Variants in DNASE1L3 observed in about 807,000 individuals in gnomAD.
The protein encoded by DNASE1L3 is deoxyribonuclease gamma.
A neutral mutation model predicts 30.9 loss-of-function variants in DNASE1L3; 27 were observed. The observed-to-expected ratio is 0.87, with a 90% confidence interval of 0.64 to 1.20. The LOEUF is 1.20. DNASE1L3 is among the 50% of genes most tolerant of loss of function. DNASE1L3 has a pLI of 0.00. For missense variants in DNASE1L3, 364 were observed against 378.2 expected, an observed-to-expected ratio of 0.96 and a Z score of 0.31; for synonymous variants, 135 against 138.0, an observed-to-expected ratio of 0.98 and a Z score of 0.15.
At chr3:58,201,174 G>T in intron 4 of DNASE1L3, 65 bp from the exon 5 acceptor site, 2 of 1,350,192 alleles carry the variant, frequency 1.5e-6, no homozygotes, top group Non-Finnish European at 2.1e-6. Context: ...AACACTGCTG[G>T]AGGGAAACCA....
intron 3 of DNASE1L3, 62 bp downstream of exon 3, chr3:58,205,409 C>A: frequency 7.1e-7 from 1 of 1,413,892 alleles, no homozygotes; most frequent in Admixed American, 1.7e-5. Context: ...AAAAGACATG[C>A]ATTTTGATTC....
intron 4 of DNASE1L3, among the ~76,000 whole-genome samples, chr3:58,203,631 G>A (rs529936387): frequency 1.1e-4 from 17 of 152,096 alleles, no homozygotes; most frequent in Admixed American, 2.0e-4. Context: ...GACCTATCTC[G>A]CTATTTAAAA....
chr3:58,199,524 G>T (rs774003408), intron 5 of DNASE1L3, among the ~76,000 whole-genome samples: 7 of 152,192 alleles, frequency 4.6e-5, no homozygotes, highest in Non-Finnish European at 2.9e-5. Flanking sequence ...ATAAAAATTA[G>T]CCAGGCGTGG....
At chr3:58,199,436 G>A (rs528162027) in intron 5 of DNASE1L3, among the ~76,000 whole-genome samples, 11 of 152,128 alleles carry the variant, frequency 7.2e-5, no homozygotes, top group Non-Finnish European at 1.6e-4. Context: ...TTGGGAAGCC[G>A]AGGCGGGTGG....
chr3:58,196,551 T>TA (rs60743972), intron 6 of DNASE1L3, among the ~76,000 whole-genome samples: 1,470 of 60,718 alleles, frequency 0.024, 62 homozygotes, highest in African/African-American at 0.039. Context: ...AGACTCTGTC[T>TA]AAAAAAAAAA....
intron 6 of DNASE1L3, among the ~76,000 whole-genome samples, chr3:58,195,147 C>G (rs575542557): frequency 9.2e-5 from 14 of 152,338 alleles, no homozygotes; most frequent in Non-Finnish European, 1.9e-4. Flanking sequence ...GTTCCCCCAG[C>G]ACTCAGCACA....
rs769575190 is a variant in DNASE1L3 at position 58,197,854 on chromosome 3, G to A, written c.671C>T (p.Thr224Met). ...TGCACAGTTGGTGCTCTTCTTCACC[G>A]TGGTGTCCTCTTGGTCCCCGATCAG... ...VWLIGDQEDT[T>M]VKKSTNCAYD... The change falls in exon 6 of 8, where the codon ACG becomes ATG. Residue 224 changes from threonine (T) to methionine (M), a missense_variant. Thr to Met is a moderately conservative substitution (Grantham distance 81). Transcript: ENST00000394549. The surrounding 1 kb of genome is among the most constrained non-coding windows in gnomAD (Gnocchi z 5.3). 6.9e-5 allele frequency: 112 copies of A among 1,614,042 alleles called. No individual in the cohort carries two copies. The Admixed American group carries it at 1.3e-3, about 19-fold the overall frequency.
intron 2 of DNASE1L3, 88 bp downstream of exon 2, chr3:58,208,130 A>G: frequency 7.7e-7 from 1 of 1,298,592 alleles, no homozygotes; most frequent in Non-Finnish European, 1.1e-6. Context: ...CAAGTGCGGG[A>G]TCTCACATTA....
At chr3:58,210,554 TC>T (rs1392278157) in intron 1 of DNASE1L3, among the ~76,000 whole-genome samples, 1 of 152,056 alleles carries the variant, frequency 6.6e-6, no homozygotes, top group Non-Finnish European at 1.5e-5. Context: ...ACTCCTGTAG[TC>T]CCCCCAGCAA....
intron 5 of DNASE1L3, 82 bp from the exon 6 acceptor site, chr3:58,198,060 G>A (rs891207148): frequency 1.8e-5 from 26 of 1,453,772 alleles, no homozygotes; most frequent in South Asian, 9.6e-5. Context: ...AAGACTCTGC[G>A]TCCCAGGCCC....
intron 4 of DNASE1L3, among the ~76,000 whole-genome samples, chr3:58,204,111 G>A (rs2097402398): frequency 6.6e-6 from 1 of 151,376 alleles, no homozygotes; most frequent in Non-Finnish European, 1.5e-5. Flanking sequence ...GAGCCTCTAG[G>A]CTAGGGGTTC....
At chr3:58,201,332 A>T (rs1193711049) in intron 4 of DNASE1L3, among the ~76,000 whole-genome samples, 2 of 152,392 alleles carry the variant, frequency 1.3e-5, no homozygotes, top group African/African-American at 4.8e-5. Context: ...GTTGCCCTTC[A>T]TGGCTAAGAG....
Position 58,197,811 on chromosome 3 carries a change from G to A in DNASE1L3, c.704+10C>T, listed in dbSNP as rs747788809. On this transcript the variant is annotated intron_variant, in intron 6 of 7. Coordinates refer to ENST00000394549, the MANE Select transcript of DNASE1L3 (RefSeq NM_004944.4). The surrounding 1 kb of genome is among the most constrained non-coding windows in gnomAD (Gnocchi z 5.3). ...GTGGTGAGCCAGCAGCACCCTGCAG[G>A]GCCTCCTACCTGTCATATGCACAGT... 1 of 1,613,370 alleles carries A rather than the reference G, an allele frequency of 6.2e-7. No homozygotes were observed. The highest frequency in any genetic ancestry group is 8.5e-7 in the Non-Finnish European group (1 of 1,179,998).
At chr3:58,210,221 GAAGAAAGAAAAAGGAAGAAAGAAA>G (rs2097406786) in intron 1 of DNASE1L3, among the ~76,000 whole-genome samples, 1 of 54,976 alleles carries the variant, frequency 1.8e-5, no homozygotes, top group Admixed American at 1.7e-4. Flanking sequence ...AAAGAAAAAG[GAAGAAAGAAAAAGGAAGAAAGAAA>G]AAGAAAGAAA....
chr3:58,193,581 C>T, intron 6 of DNASE1L3, 142 bp from the exon 7 acceptor site: 1 of 668,338 alleles, frequency 1.5e-6, no homozygotes, highest in Non-Finnish European at 2.6e-6. Flanking sequence ...CTGGTTTTAG[C>T]CTGTGACCCC....
Position 58,197,516 on chromosome 3 carries a change from G to A in DNASE1L3, c.704+305C>T, listed in dbSNP as rs894224738. Among the ~76,000 whole-genome samples the A allele has an allele frequency of 7.2e-5, 11 of 152,016 alleles. No homozygotes were observed. Among genetic ancestry groups the A allele is most frequent in the Non-Finnish European group, 1.2e-4 (8 of 67,972 alleles). Reference sequence around the variant, plus strand: ...TACCCAGGCTGGAGTGCAGTGGTGCGATCCTGGCTCACTGCAGCCTCCACC... The same window carrying A: ...TACCCAGGCTGGAGTGCAGTGGTGCAATCCTGGCTCACTGCAGCCTCCACC... On this transcript the variant is annotated intron_variant, in intron 6 of 7. Coordinates refer to ENST00000394549, the MANE Select transcript of DNASE1L3 (RefSeq NM_004944.4). The surrounding 1 kb of genome is among the most constrained non-coding windows in gnomAD (Gnocchi z 5.3).
chr3:58,197,904 C>T lies in DNASE1L3; in HGVS notation c.621G>A (p.Leu207=). 6.2e-7 allele frequency: 1 copy of T among 1,614,214 alleles called. No individual in the cohort carries two copies. The highest frequency in any genetic ancestry group is 8.5e-7 in the Non-Finnish European group (1 of 1,180,034). Residue 207 remains leucine (L), a synonymous_variant, in exon 6 of 8, where the codon TTG becomes TTA. Transcript: ENST00000394549. This position sits in a 1 kb window ranked among gnomAD's most constrained non-coding sequence, Gnocchi z 5.3. ...VPKKAWKNIR[L]RTDPRFVWLI... is the part of the protein sequence containing the mutation. ...GCCAAACAAACCTGGGGTCAGTCCT[C>T]AAGCGGATGTTCTTCCAGGCCTTCT...
Position 58,205,539 on chromosome 3 carries a change from C to G in DNASE1L3, c.252G>C (p.Thr84=). 2.5e-6 allele frequency: 4 copies of G among 1,613,654 alleles called. No homozygotes were observed. The highest frequency in any genetic ancestry group is 3.4e-6 in the Non-Finnish European group (4 of 1,179,632). ...GCCGAGAGCTAATCACATAGTTGTA[C>G]GTTATGCCTCTCCTTGAATTTCTAG... ...KLNRNSRRGI[T]YNYVISSRLG... Residue 84 remains threonine, a synonymous_variant, in exon 3 of 8, where the codon ACG becomes ACC. Transcript: ENST00000394549.
At chr3:58,210,565 A>G (rs2097407071) in intron 1 of DNASE1L3, among the ~76,000 whole-genome samples, 1 of 152,172 alleles carries the variant, frequency 6.6e-6, no homozygotes, top group Admixed American at 6.5e-5. Context: ...CCCCCCAGCA[A>G]CCCTGGAGGG....
Sources: allele counts gnomAD v4.1 joint callset (sites outside exome capture counted in the v4.1 genomes callset), GRCh38; gene constraint gnomAD v4.1.1; non-coding constraint Gnocchi (gnomAD v3.1); transcripts MANE v1.5; gene names NCBI Gene and HGNC (gene_info 2026-07-23, HGNC 2026-07-21).